The following MARCHF4 variants were observed in gnomAD, a reference collection of about 807,000 sequenced individuals.
MARCHF4 encodes the protein E3 ubiquitin-protein ligase MARCHF4.
Under a neutral mutation model 43.9 loss-of-function variants are expected in MARCHF4, and 14 were observed. The observed-to-expected ratio is 0.32, with a 90% CI of 0.21 to 0.50. The LOEUF (loss-of-function observed/expected upper bound fraction) is 0.50. Ranked by LOEUF, MARCHF4 falls within the 20% of genes least tolerant of loss-of-function variation. The pLI is 0.98. For missense variants in MARCHF4, 468 were observed against 536.7 expected, an observed-to-expected ratio of 0.87 and a Z score of 1.27; for synonymous variants, 226 against 213.3, an observed-to-expected ratio of 1.06 and a Z score of -0.52.
chr2:216,297,854 G>C (rs1371927018), intron 1 of MARCHF4, among the ~76,000 whole-genome samples: 1 of 152,150 alleles, frequency 6.6e-6, no homozygotes, highest in Non-Finnish European at 1.5e-5. Flanking sequence ...CTGACTCTTA[G>C]CCCTGGTGTT....
chr2:216,295,640 T>C (rs6741495), intron 1 of MARCHF4, among the ~76,000 whole-genome samples: 16,426 of 152,236 alleles, frequency 0.11, 1,264 homozygotes, highest in African/African-American at 0.21. Context: ...GGACACTGCT[T>C]TCTTTGCTTG....
chr2:216,362,702 T>G (rs1419705451), intron 1 of MARCHF4, among the ~76,000 whole-genome samples: 3 of 152,226 alleles, frequency 2.0e-5, no homozygotes, highest in African/African-American at 2.4e-5. Flanking sequence ...CCTGACAATT[T>G]GCATCTACCT....
chr2:216,270,188 G>A (rs1006906559), intron 3 of MARCHF4, among the ~76,000 whole-genome samples: 11 of 151,912 alleles, frequency 7.2e-5, no homozygotes, highest in African/African-American at 2.7e-4. Context: ...TGATCCTCCT[G>A]TCTCAGCCTC....
At chr2:216,359,218 T>C (rs1429820738) in intron 1 of MARCHF4, among the ~76,000 whole-genome samples, 2 of 152,240 alleles carry the variant, frequency 1.3e-5, no homozygotes, top group Admixed American at 6.5e-5. Flanking sequence ...AGAAGAGAGA[T>C]GTAAGAGGCA....
At chr2:216,338,363 A>T (rs1472849149) in intron 1 of MARCHF4, among the ~76,000 whole-genome samples, 1 of 152,158 alleles carries the variant, frequency 6.6e-6, no homozygotes. Context: ...GGGAGTCTGG[A>T]GGATGGGAGT....
chr2:216,315,781 T>C (rs941356067), intron 1 of MARCHF4, among the ~76,000 whole-genome samples: 9 of 151,574 alleles, frequency 5.9e-5, no homozygotes, highest in Non-Finnish European at 1.2e-4. Flanking sequence ...ATATTTTATA[T>C]GACCTTTTTA....
Position 216,271,998 on chromosome 2 carries a change from G to C in MARCHF4, c.865+5674C>G, listed in dbSNP as rs190584076. On this transcript the variant is annotated intron_variant, in intron 3 of 3. Transcript: ENST00000273067. Reference sequence around the variant, plus strand: ...TTTTTTTTTTAGAGATCTCTGGTAGGCCAGACATGGTGGCTAATGCCTGTA... The same window carrying C: ...TTTTTTTTTTAGAGATCTCTGGTAGCCCAGACATGGTGGCTAATGCCTGTA... Among the ~76,000 whole-genome samples, 485 of 138,074 alleles carry C rather than the reference G, an allele frequency of 3.5e-3. 5 individuals carry two copies. The highest frequency in any genetic ancestry group is 8.5e-3 in the Middle Eastern group (2 of 236). The allele number at this position is 138,074 out of a possible 152,430, so 90.6% of individuals were successfully genotyped here.
At chr2:216,266,537 G>T (rs1031200883) in intron 3 of MARCHF4, among the ~76,000 whole-genome samples, 16 of 152,134 alleles carry the variant, frequency 1.1e-4, no homozygotes, top group African/African-American at 3.4e-4. Context: ...GAGGTAAAAA[G>T]CACTCTAGAG....
intron 1 of MARCHF4, among the ~76,000 whole-genome samples, chr2:216,346,119 C>G (rs1692315933): frequency 6.6e-6 from 1 of 152,148 alleles, no homozygotes; most frequent in Non-Finnish European, 1.5e-5. Context: ...GACCAACTGT[C>G]CTGGTTTGTT....
At chr2:216,327,001 A>G (rs1574478533) in intron 1 of MARCHF4, among the ~76,000 whole-genome samples, 1 of 152,184 alleles carries the variant, frequency 6.6e-6, no homozygotes, top group East Asian at 1.9e-4. Flanking sequence ...AAAAAATAAT[A>G]GTATCTACCG....
chr2:216,340,709 C>T (rs1028994981), intron 1 of MARCHF4, among the ~76,000 whole-genome samples: 15 of 152,184 alleles, frequency 9.9e-5, no homozygotes, highest in African/African-American at 2.7e-4. Flanking sequence ...GAGCTCCTGG[C>T]TGTAGGAGAC....
chr2:216,333,904 T>C (rs1314363160), intron 1 of MARCHF4, among the ~76,000 whole-genome samples: 1 of 151,914 alleles, frequency 6.6e-6, no homozygotes, highest in Admixed American at 6.6e-5. Context: ...AAAGCAATCA[T>C]TGGGCCTCCT....
chr2:216,283,996 G>A (rs1691179007), intron 1 of MARCHF4, among the ~76,000 whole-genome samples: 1 of 152,148 alleles, frequency 6.6e-6, no homozygotes, highest in Non-Finnish European at 1.5e-5. Context: ...AAGGTTCTAC[G>A]AACATGAGCG....
intron 1 of MARCHF4, among the ~76,000 whole-genome samples, chr2:216,306,853 CT>C (rs1691595087): frequency 6.6e-6 from 1 of 152,028 alleles, no homozygotes; most frequent in Admixed American, 6.5e-5. Flanking sequence ...TTTTTTTCCC[CT>C]ACTGTACTAT....
At chr2:216,319,189 T>C (rs561276348) in intron 1 of MARCHF4, among the ~76,000 whole-genome samples, 3 of 152,158 alleles carry the variant, frequency 2.0e-5, no homozygotes, top group Non-Finnish European at 4.4e-5. Context: ...GTGCCTGTAA[T>C]CCCAGCTATT....
intron 1 of MARCHF4, among the ~76,000 whole-genome samples, chr2:216,338,463 C>G (rs1021639053): frequency 2.6e-5 from 4 of 152,174 alleles, no homozygotes; most frequent in Non-Finnish European, 2.9e-5. Flanking sequence ...TGTTTGCCTC[C>G]TTGGTTCCAG....
chr2:216,314,890 C>T (rs778911717), intron 1 of MARCHF4, among the ~76,000 whole-genome samples: 4 of 152,008 alleles, frequency 2.6e-5, no homozygotes, highest in African/African-American at 4.8e-5. Context: ...ATTTTTACAA[C>T]CATGGAACAG....
intron 1 of MARCHF4, among the ~76,000 whole-genome samples, chr2:216,367,053 G>A (rs115917943): frequency 0.016 from 2,480 of 152,294 alleles, 79 homozygotes; most frequent in African/African-American, 0.055. Flanking sequence ...CTGTTGGCAG[G>A]AAAAGATCAA....
chr2:216,271,957 A>ATTTTTTTTTTTT (rs57629851), intron 3 of MARCHF4, among the ~76,000 whole-genome samples: 59 of 100,578 alleles, frequency 5.9e-4, no homozygotes, highest in African/African-American at 2.4e-3. Context: ...CACCTGGCTA[A>ATTTTTTTTTTTT]TTTTTTTTTT....
Sources: gnomAD v4.1 joint callset for allele counts (sites outside exome capture counted in the v4.1 genomes callset) on GRCh38, gnomAD v4.1.1 for gene constraint, MANE v1.5 for transcripts, NCBI Gene and HGNC (gene_info 2026-07-23, HGNC 2026-07-21) for gene names.